The following AKAP6 variants were observed in gnomAD, a reference collection of about 807,000 sequenced individuals.
AKAP6 encodes A-kinase anchor protein 6.
In AKAP6, 58 loss-of-function variants were observed where a neutral mutation model predicts 188.5. The observed-to-expected ratio is 0.31, with a 90% CI of 0.25 to 0.38. The LOEUF is 0.38. Ranked by LOEUF, AKAP6 falls within the 10% of genes least tolerant of loss-of-function variation. AKAP6 has a pLI of 1.00. For synonymous variants in AKAP6, 989 were observed against 998.6 expected (o/e 0.99, Z 0.18); for missense variants, 2,710 against 2,740.0 (o/e 0.99, Z 0.24).
intron 2 of AKAP6, among the ~76,000 whole-genome samples, chr14:32,471,305 T>C (rs1355879412): frequency 6.6e-6 from 1 of 152,210 alleles, no homozygotes; most frequent in African/African-American, 2.4e-5. Flanking sequence ...TATGTCATTA[T>C]CTCTGTATTT....
At chr14:32,640,896 G>T (rs182183785) in intron 7 of AKAP6, among the ~76,000 whole-genome samples, 1 of 152,220 alleles carries the variant, frequency 6.6e-6, no homozygotes, top group East Asian at 1.9e-4. Flanking sequence ...ACAAACAAAA[G>T]TCTGAAGATG....
intron 1 of AKAP6, among the ~76,000 whole-genome samples, chr14:32,387,537 T>C (rs1221213202): frequency 6.7e-6 from 1 of 148,822 alleles, no homozygotes; most frequent in Non-Finnish European, 1.5e-5. Flanking sequence ...TTATTTATTA[T>C]ATTTTTAATC....
chr14:32,692,142 A>G (rs563315382), intron 8 of AKAP6, among the ~76,000 whole-genome samples: 2 of 152,290 alleles, frequency 1.3e-5, no homozygotes, highest in South Asian at 4.1e-4. Context: ...AACAAACTAG[A>G]CTGGATAAAG....
At chr14:32,397,494 C>T (rs567967928) in intron 1 of AKAP6, among the ~76,000 whole-genome samples, 2 of 151,692 alleles carry the variant, frequency 1.3e-5, no homozygotes, top group Admixed American at 1.3e-4. Flanking sequence ...TTTCCCACCT[C>T]AGCCTCCTGA....
intron 7 of AKAP6, among the ~76,000 whole-genome samples, chr14:32,667,746 G>A (rs914825748): frequency 6.6e-6 from 1 of 151,914 alleles, no homozygotes; most frequent in African/African-American, 2.4e-5. Flanking sequence ...CAGTATAAAG[G>A]CACACTTGTT....
intron 1 of AKAP6, among the ~76,000 whole-genome samples, chr14:32,430,884 A>G (rs2138698426): frequency 6.6e-6 from 1 of 152,210 alleles, no homozygotes; most frequent in East Asian, 1.9e-4. Flanking sequence ...AGGTGGGCGG[A>G]TCACGAGGTC....
rs148046683 is a variant in AKAP6, at chr14:32,662,973, C to T, written c.2731-15338C>T. Among the ~76,000 whole-genome samples the T allele has an allele frequency of 6.6e-3, 997 of 152,148 alleles. 13 individuals carry two copies. Among genetic ancestry groups the T allele is most frequent in the African/African-American group, 0.022 (908 of 41,520 alleles). On this transcript the variant is annotated intron_variant, in intron 7 of 13. Coordinates refer to ENST00000280979, the MANE Select transcript of AKAP6 (RefSeq NM_004274.5). ...TAAAAAGTAAGTGAAATGCTTTTCT[C>T]GTTATTTACCAATTTTGGTGGTAAG...
chr14:32,708,910 C>G (rs1263385673), intron 9 of AKAP6, among the ~76,000 whole-genome samples: 1 of 152,006 alleles, frequency 6.6e-6, no homozygotes, highest in Non-Finnish European at 1.5e-5. Context: ...CTTCCTCACT[C>G]TCATCTGCCT....
At chr14:32,379,085 C>A (rs1333794117) in intron 1 of AKAP6, among the ~76,000 whole-genome samples, 2 of 151,646 alleles carry the variant, frequency 1.3e-5, no homozygotes, top group Admixed American at 6.6e-5. Context: ...CGCCTGGCTA[C>A]TTTTTTTGTA....
At chr14:32,429,501 A>G (rs1326299858) in intron 1 of AKAP6, among the ~76,000 whole-genome samples, 1 of 152,218 alleles carries the variant, frequency 6.6e-6, no homozygotes, top group Non-Finnish European at 1.5e-5. Flanking sequence ...AAAGAGTATG[A>G]CCATCCATAT....
intron 7 of AKAP6, among the ~76,000 whole-genome samples, chr14:32,660,332 G>A (rs1330830597): frequency 6.6e-6 from 1 of 152,116 alleles, no homozygotes; most frequent in East Asian, 1.9e-4. Context: ...TTTCCCCATT[G>A]TGCCACCATT....
At chr14:32,633,708 A>C (rs1887372160) in intron 7 of AKAP6, among the ~76,000 whole-genome samples, 1 of 152,082 alleles carries the variant, frequency 6.6e-6, no homozygotes, top group Admixed American at 6.6e-5. Context: ...CAGCCATCCT[A>C]AGCAGGCATG....
rs995270553 is a variant in AKAP6, at chr14:32,568,429, A to G, written c.2347-8691A>G. The stretch of plus-strand genomic sequence containing the variant: ...TATTAGTAGGATAGATGGTAGATGT[A>G]CCTAAATGTTAAATATTGTTAATTA... On this transcript the variant is annotated intron_variant, in intron 4 of 13. Transcript: ENST00000280979. This position sits in a 1 kb window ranked among gnomAD's most constrained non-coding sequence, Gnocchi z 6.2. Among the ~76,000 whole-genome samples the G allele has an allele frequency of 1.3e-5, 2 of 152,176 alleles. No homozygotes were observed. The highest frequency in any genetic ancestry group is 1.3e-4 in the Admixed American group (2 of 15,254).
chr14:32,493,477 C>T (rs763893671), intron 2 of AKAP6, among the ~76,000 whole-genome samples: 6 of 152,068 alleles, frequency 3.9e-5, no homozygotes, highest in Admixed American at 6.5e-5. Flanking sequence ...TCCCAAAGTG[C>T]TTGGATTACA....
chr14:32,422,570 T>C (rs1327399633), intron 1 of AKAP6, among the ~76,000 whole-genome samples: 1 of 152,184 alleles, frequency 6.6e-6, no homozygotes, highest in African/African-American at 2.4e-5. Context: ...TCAATGTCCA[T>C]AGTTTTTATT....
intron 12 of AKAP6, among the ~76,000 whole-genome samples, chr14:32,774,766 A>C (rs1429888646): frequency 6.6e-6 from 1 of 152,164 alleles, no homozygotes; most frequent in Non-Finnish European, 1.5e-5. Flanking sequence ...ACATACATAC[A>C]TACATACATA....
At chr14:32,762,706 G>A (rs1421894386) in intron 11 of AKAP6, among the ~76,000 whole-genome samples, 1 of 151,930 alleles carries the variant, frequency 6.6e-6, no homozygotes, top group Non-Finnish European at 1.5e-5. Context: ...ACAAAATTGT[G>A]AATGTTTGTA....
intron 2 of AKAP6, among the ~76,000 whole-genome samples, chr14:32,446,682 C>T (rs561836245): frequency 7.3e-5 from 11 of 151,206 alleles, no homozygotes; most frequent in South Asian, 2.1e-4. Flanking sequence ...TTGTCTGTTA[C>T]GGGATCAAAA....
At chr14:32,457,648 C>T (rs534745833) in intron 2 of AKAP6, among the ~76,000 whole-genome samples, 22 of 152,280 alleles carry the variant, frequency 1.4e-4, no homozygotes, top group African/African-American at 4.8e-4. Flanking sequence ...GTGCTGCTGG[C>T]GCTGACATCC....
Sources: allele counts gnomAD v4.1 joint callset (sites outside exome capture counted in the v4.1 genomes callset), GRCh38; gene constraint gnomAD v4.1.1; non-coding constraint Gnocchi (gnomAD v3.1); transcripts MANE v1.5; gene names NCBI Gene and HGNC (gene_info 2026-07-23, HGNC 2026-07-21).